Variants in FBXW4 observed in about 807,000 individuals in gnomAD.
FBXW4 encodes the protein F-box and WD repeat domain containing 4.
FBXW4 carries 40 observed loss-of-function variants against 61.8 expected under a neutral mutation model. The observed-to-expected ratio is 0.65, with a 90% CI of 0.50 to 0.84. FBXW4 has a LOEUF of 0.84. Ranked by LOEUF, FBXW4 falls within the 40% of genes least tolerant of loss-of-function variation. The pLI, the probability that FBXW4 is intolerant of heterozygous loss-of-function variation, is 0.00. For missense variants in FBXW4, 672 were observed against 753.8 expected, an observed-to-expected ratio of 0.89 and a Z score of 1.27; for synonymous variants, 311 against 313.8, an observed-to-expected ratio of 0.99 and a Z score of 0.10.
intron 1 of FBXW4, among the ~76,000 whole-genome samples, chr10:101,688,474 A>AG (rs2064555836): frequency 6.6e-6 from 1 of 152,220 alleles, no homozygotes; most frequent in African/African-American, 2.4e-5. Context: ...AAAATGAAGA[A>AG]ATGACTCAAA....
intron 5 of FBXW4, among the ~76,000 whole-genome samples, chr10:101,658,189 G>C (rs571590265): frequency 1.3e-5 from 2 of 152,292 alleles, no homozygotes; most frequent in East Asian, 3.9e-4. Flanking sequence ...CTGCCGCTTG[G>C]AAGTCCTGGG....
intron 5 of FBXW4, among the ~76,000 whole-genome samples, chr10:101,665,849 T>C (rs549128560): frequency 1.8e-4 from 28 of 152,236 alleles, no homozygotes; most frequent in Non-Finnish European, 7.4e-5. Flanking sequence ...TGGGTAGGGA[T>C]GCAGGGCAGA....
intron 5 of FBXW4, among the ~76,000 whole-genome samples, chr10:101,651,236 C>A (rs928031931): frequency 7.2e-5 from 11 of 152,130 alleles, no homozygotes; most frequent in Non-Finnish European, 7.3e-5. Flanking sequence ...CCGCCAAACA[C>A]CCTGGCTTCA....
At chr10:101,638,110 T>C (rs2064020240) in intron 5 of FBXW4, among the ~76,000 whole-genome samples, 1 of 152,186 alleles carries the variant, frequency 6.6e-6, no homozygotes. Context: ...TAAGTGTCTT[T>C]CCTGGAAAGA....
At chr10:101,663,367 G>A (rs1234398371) in intron 5 of FBXW4, among the ~76,000 whole-genome samples, 1 of 152,242 alleles carries the variant, frequency 6.6e-6, no homozygotes, top group Non-Finnish European at 1.5e-5. Flanking sequence ...GGTGAGAAGG[G>A]AAGAGATGGA....
At chr10:101,689,234 A>G (rs1044726804) in intron 1 of FBXW4, among the ~76,000 whole-genome samples, 6 of 152,234 alleles carry the variant, frequency 3.9e-5, no homozygotes, top group Non-Finnish European at 8.8e-5. Context: ...GACTGTGAAG[A>G]CATTGGGTTT....
chr10:101,684,650 C>T (rs1338359880), intron 1 of FBXW4, among the ~76,000 whole-genome samples: 1 of 152,176 alleles, frequency 6.6e-6, no homozygotes, highest in Admixed American at 6.5e-5. Flanking sequence ...CTGTTCTCAC[C>T]AGTTCTTCTA....
At chr10:101,689,004 ATTCTT>A (rs2064560983) in intron 1 of FBXW4, among the ~76,000 whole-genome samples, 1 of 152,162 alleles carries the variant, frequency 6.6e-6, no homozygotes, top group South Asian at 2.1e-4. Context: ...CACACACGTA[ATTCTT>A]TTCTAAGTCA....
intron 5 of FBXW4, among the ~76,000 whole-genome samples, chr10:101,638,841 T>C (rs2064026364): frequency 6.6e-6 from 1 of 152,130 alleles, no homozygotes; most frequent in Non-Finnish European, 1.5e-5. Flanking sequence ...CAGCTGCCTA[T>C]GAGAATTCCA....
At chr10:101,612,233 A>G (rs1345420693) in intron 7 of FBXW4, 104 bp downstream of exon 7, 7 of 1,274,004 alleles carry the variant, frequency 5.5e-6, no homozygotes, top group South Asian at 2.5e-5. Context: ...CAGCCCTGAC[A>G]TGGAGTCTCT....
Position 101,611,561 on chromosome 10 carries a change from C to T in FBXW4, c.1584+67G>A. On this transcript the variant is annotated intron_variant, in intron 8 of 8. Coordinates refer to ENST00000331272, the MANE Select transcript of FBXW4 (RefSeq NM_022039.4). The surrounding 1 kb of genome is among the most constrained non-coding windows in gnomAD (Gnocchi z 4.9). ...TAGGCACGTCCTTGGCTACCTCACCCTCTCCCAAATGCAGCCCATAATCAT... is the reference window on the plus strand; with the variant it reads ...TAGGCACGTCCTTGGCTACCTCACCTTCTCCCAAATGCAGCCCATAATCAT... 6.3e-7 allele frequency: 1 copy of T among 1,591,634 alleles called. No individual in the cohort carries two copies. Among genetic ancestry groups the T allele is most frequent in the Non-Finnish European group, 8.6e-7 (1 of 1,164,938 alleles).
chr10:101,668,046 C>A, intron 4 of FBXW4, 66 bp from the exon 5 acceptor site: 1 of 1,229,906 alleles, frequency 8.1e-7, no homozygotes, highest in South Asian at 1.2e-5. Flanking sequence ...AGAGGTGCTC[C>A]GGGAGAGGTG....
At chr10:101,654,728 G>A (rs2064172100) in intron 5 of FBXW4, among the ~76,000 whole-genome samples, 2 of 152,128 alleles carry the variant, frequency 1.3e-5, no homozygotes, top group African/African-American at 4.8e-5. Flanking sequence ...ATGTATATCT[G>A]TGTCATCCTT....
intron 1 of FBXW4, among the ~76,000 whole-genome samples, chr10:101,687,436 T>C (rs1325593364): frequency 1.3e-5 from 2 of 152,178 alleles, no homozygotes; most frequent in Admixed American, 6.5e-5. Flanking sequence ...ATCAACAGCG[T>C]ACCCTAATCC....
At position 101,611,739 on chromosome 10, in the gene FBXW4, G is replaced by A. The variant is rs147424741; in HGVS notation, c.1473C>T (p.His491=). 198 of 1,613,954 alleles carry A rather than the reference G, an allele frequency of 1.2e-4. No individual in the cohort carries two copies. The highest frequency in any genetic ancestry group is 3.3e-4 in the Middle Eastern group (2 of 6,084). ...TCTGCAGGCAGTACAGGGTGCTGTC[G>A]TGGGGCTCCTCCCACTCCATGACAC... The part of the protein sequence containing the change: ...RKCVMEWEEP[H]DSTLYCLQTD... The change falls in exon 8 of 9, where the codon CAC becomes CAT. Residue 491 remains histidine (H), a synonymous_variant. Coordinates refer to ENST00000331272, the MANE Select transcript of FBXW4 (RefSeq NM_022039.4). This position sits in a 1 kb window ranked among gnomAD's most constrained non-coding sequence, Gnocchi z 4.9.
intron 5 of FBXW4, among the ~76,000 whole-genome samples, chr10:101,644,296 G>A (rs867457820): frequency 2.0e-5 from 3 of 152,158 alleles, no homozygotes; most frequent in Non-Finnish European, 2.9e-5. Context: ...GGACTGGTGG[G>A]GGCAGCTGGG....
intron 1 of FBXW4, among the ~76,000 whole-genome samples, chr10:101,681,394 A>AT (rs2064473447): frequency 7.3e-6 from 1 of 136,112 alleles, no homozygotes; most frequent in Non-Finnish European, 1.6e-5. Flanking sequence ...GTCTCAAAAA[A>AT]AAAAAATAAT....
chr10:101,639,570 T>C (rs1026184545), intron 5 of FBXW4, among the ~76,000 whole-genome samples: 12 of 152,340 alleles, frequency 7.9e-5, no homozygotes, highest in African/African-American at 2.6e-4. Flanking sequence ...TCCTGAGAGA[T>C]CCACCATGTT....
intron 1 of FBXW4, among the ~76,000 whole-genome samples, chr10:101,692,355 C>T (rs906853891): frequency 1.3e-5 from 2 of 150,768 alleles, no homozygotes; most frequent in Admixed American, 6.6e-5. Flanking sequence ...AATAAGCTGT[C>T]CAAAACAAAG....
Sources: gnomAD v4.1 joint callset for allele counts (sites outside exome capture counted in the v4.1 genomes callset) on GRCh38, gnomAD v4.1.1 for gene constraint, Gnocchi (gnomAD v3.1) non-coding constraint, MANE v1.5 for transcripts, NCBI Gene and HGNC (gene_info 2026-07-23, HGNC 2026-07-21) for gene names.